IPO8: variants seen among roughly 807,000 people sequenced by gnomAD.
IPO8 encodes the protein importin 8, also known as importin-8.
Under a neutral mutation model 141.2 loss-of-function variants are expected in IPO8, and 65 were observed. That is an observed-to-expected ratio of 0.46 (90% confidence interval 0.38 to 0.57). The LOEUF is 0.57. IPO8 is among the 20% of genes least tolerant of loss of function. The probability of loss-of-function intolerance (pLI) is 0.00; values close to 1 mark genes in which losing one functional copy is unlikely to be tolerated. For missense variants in IPO8, 980 were observed against 1,246.8 expected, an observed-to-expected ratio of 0.79 and a Z score of 3.22; for synonymous variants, 411 against 420.3, an observed-to-expected ratio of 0.98 and a Z score of 0.27.
intron 17 of IPO8, among the ~76,000 whole-genome samples, chr12:30,653,908 T>C (rs1037672361): frequency 6.6e-6 from 1 of 152,004 alleles, no homozygotes; most frequent in African/African-American, 2.4e-5. Flanking sequence ...ATTACAAATA[T>C]TGATGAATAA....
chr12:30,643,176 A>G (rs1363514085), intron 20 of IPO8, among the ~76,000 whole-genome samples: 1 of 152,206 alleles, frequency 6.6e-6, no homozygotes, highest in Non-Finnish European at 1.5e-5. Flanking sequence ...ACCATCAGCA[A>G]CACTAACATC....
chr12:30,651,214 T>G (rs1311972705), intron 19 of IPO8, among the ~76,000 whole-genome samples: 1 of 152,104 alleles, frequency 6.6e-6, no homozygotes, highest in Non-Finnish European at 1.5e-5. Flanking sequence ...GCCCGGTGAT[T>G]ATGATTTAAC....
intron 10 of IPO8, among the ~76,000 whole-genome samples, chr12:30,666,908 C>A (rs1446658594): frequency 6.6e-6 from 1 of 152,158 alleles, no homozygotes; most frequent in African/African-American, 2.4e-5. Context: ...TAGGACCATG[C>A]CTGGCTCTGT....
intron 16 of IPO8, among the ~76,000 whole-genome samples, chr12:30,658,381 T>G (rs534596395): frequency 6.6e-6 from 1 of 152,232 alleles, no homozygotes; most frequent in East Asian, 1.9e-4. Context: ...TGGTTTTGCC[T>G]GTAATTATTC....
At chr12:30,667,524 AAAT>A (rs1320687447) in intron 10 of IPO8, among the ~76,000 whole-genome samples, 1 of 152,216 alleles carries the variant, frequency 6.6e-6, no homozygotes, top group Admixed American at 6.5e-5. Flanking sequence ...TGTTTCACGT[AAAT>A]AATTGCAAGT....
chr12:30,661,023 GC>G, intron 16 of IPO8, 117 bp downstream of exon 16: 1 of 595,116 alleles, frequency 1.7e-6, no homozygotes, highest in Non-Finnish European at 2.6e-6. Context: ...AATTTTTAAA[GC>G]CTAGCAACAT....
intron 21 of IPO8, among the ~76,000 whole-genome samples, chr12:30,638,459 T>C (rs1011112233): frequency 1.6e-4 from 25 of 152,320 alleles, no homozygotes; most frequent in African/African-American, 5.1e-4. Context: ...GTGGCAGCAG[T>C]GTCTTAACCA....
intron 2 of IPO8, among the ~76,000 whole-genome samples, chr12:30,689,125 A>C (rs1245206625): frequency 6.6e-6 from 1 of 152,074 alleles, no homozygotes; most frequent in Non-Finnish European, 1.5e-5. Flanking sequence ...TAGCATGTGT[A>C]ATATAAAAAA....
intron 10 of IPO8, among the ~76,000 whole-genome samples, chr12:30,668,268 T>C (rs987651354): frequency 1.3e-5 from 2 of 152,196 alleles, no homozygotes; most frequent in Non-Finnish European, 1.5e-5. Context: ...CCTCACTTAC[T>C]GAATCAAATA....
At position 30,674,733 on chromosome 12, in the gene IPO8, C is replaced by T. The variant is rs765386142; in HGVS notation, c.750G>A (p.Glu250=). 1.2e-6 allele frequency: 2 copies of T among 1,613,070 alleles called. No homozygotes were observed. Among genetic ancestry groups the T allele is most frequent in the Admixed American group, 3.3e-5 (2 of 60,018 alleles). ...TVPPETLHID[E]DDRPELVWWK... ...ACCATACCAGTTCTGGTCTATCATCCTCATCAATGTGCAGAGTCTCCTAAC... is the reference window on the plus strand; with the variant it reads ...ACCATACCAGTTCTGGTCTATCATCTTCATCAATGTGCAGAGTCTCCTAAC... The change falls in exon 7 of 25, where the codon GAG becomes GAA. Residue 250 remains glutamate, a synonymous_variant. Coordinates refer to ENST00000256079, the MANE Select transcript of IPO8 (RefSeq NM_006390.4).
rs1460676186 is a variant in IPO8 at position 30,681,719 on chromosome 12, T to C, written c.422A>G (p.Gln141Arg). 3 of 1,613,818 alleles carry C rather than the reference T, an allele frequency of 1.9e-6. No homozygotes were observed. The Admixed American group carries it at 5.0e-5, about 27-fold the overall frequency. The part of the protein sequence containing the change: ...VDKIDYYLQS[Q>R]SSASWLGSLL... ...ACTGCCAAGCCAGCTTGCACTGCTC[T>C]GTGATTGCAAGTAATAGTCTATCTT... is the stretch of plus-strand genomic sequence containing the variant. The change falls in exon 4 of 25, where the codon CAG becomes CGG. Residue 141 changes from glutamine (Q) to arginine (R), a missense_variant. Coordinates refer to ENST00000256079, the MANE Select transcript of IPO8 (RefSeq NM_006390.4).
intron 23 of IPO8, among the ~76,000 whole-genome samples, chr12:30,632,914 A>T (rs540954204): frequency 6.6e-6 from 1 of 152,294 alleles, no homozygotes; most frequent in East Asian, 1.9e-4. Flanking sequence ...CACAGTCTTT[A>T]AGCAGTGGCC....
rs1171732114 is a variant in IPO8 at position 30,629,695 on chromosome 12, C to T, written c.*1165G>A. The T allele has an allele frequency of 6.6e-6, 1 of 152,082 alleles. No homozygotes were observed. The highest frequency in any genetic ancestry group is 1.5e-5 in the Non-Finnish European group (1 of 68,028). The allele number at this position is 152,082 out of a possible 1,614,324, so 9.4% of individuals were successfully genotyped here. On this transcript the variant is annotated 3_prime_UTR_variant, in exon 25 of 25. Transcript: ENST00000256079. Reference sequence around the variant, plus strand: ...AGAAAAACACTGTAATCTCCATATGCAATATTTCCTATAGGCAACCTAAAA... The same window carrying T: ...AGAAAAACACTGTAATCTCCATATGTAATATTTCCTATAGGCAACCTAAAA...
In IPO8 at chr12:30,671,060, C is replaced by T. The variant is rs781320300; in HGVS notation, c.946G>A (p.Glu316Lys). ...LKILDQYRQKEYVAPRVLQQA... is the reference protein window; with the variant it reads ...LKILDQYRQKKYVAPRVLQQA... ...TGAAGAACACGGGGAGCTACATATTCTTTCTGTCTATATTGATCTAAAATT... is the reference window on the plus strand; with the variant it reads ...TGAAGAACACGGGGAGCTACATATTTTTTCTGTCTATATTGATCTAAAATT... The change falls in exon 9 of 25, where the codon GAA (glutamate) becomes AAA (lysine). Residue 316 changes from glutamate to lysine, a missense_variant. By Grantham distance (56) the Glu-to-Lys change is moderately conservative. This residue lies in a region of IPO8 where 924 missense variants were observed against 1,153.9 expected (regional missense o/e 0.80). Transcript: ENST00000256079. 1.2e-6 allele frequency: 2 copies of T among 1,606,788 alleles called. No individual in the cohort carries two copies. The highest frequency in any genetic ancestry group is 3.3e-5 in the Admixed American group (2 of 60,016).
intron 5 of IPO8, among the ~76,000 whole-genome samples, chr12:30,677,446 T>A (rs1318039460): frequency 1.3e-5 from 2 of 152,220 alleles, no homozygotes; most frequent in Non-Finnish European, 2.9e-5. Context: ...CTAGTTTATA[T>A]TTTTACTACA....
Position 30,662,424 on chromosome 12 carries a change from T to G in IPO8, c.1658A>C (p.Glu553Ala). ...IMQELLHIVR[E>A]TENDDVTNVI... ...ATTAGTAACATCATCATTTTCTGTC[T>G]CTCTAACAATGTGCAACAGTTCCTG... Residue 553 changes from glutamate (E) to alanine (A), a missense_variant, in exon 15 of 25, where the codon GAG becomes GCG. Glu to Ala is a moderately radical substitution (Grantham distance 107). This residue lies in a region of IPO8 where 924 missense variants were observed against 1,153.9 expected (regional missense o/e 0.80). Transcript: ENST00000256079. 1.2e-6 allele frequency: 2 copies of G among 1,613,134 alleles called. No homozygotes were observed.
chr12:30,680,677 C>T, intron 4 of IPO8, 39 bp from the exon 5 acceptor site: 1 of 1,519,008 alleles, frequency 6.6e-7, no homozygotes, highest in Non-Finnish European at 8.9e-7. Context: ...GTAATTTTTC[C>T]CACCCAAAGA....
At chr12:30,672,552 C>T (rs747427976) in intron 8 of IPO8, among the ~76,000 whole-genome samples, 1 of 151,982 alleles carries the variant, frequency 6.6e-6, no homozygotes, top group Non-Finnish European at 1.5e-5. Context: ...GTTTATAACA[C>T]GGATATAATG....
intron 21 of IPO8, among the ~76,000 whole-genome samples, chr12:30,638,075 A>T (rs1001487703): frequency 6.6e-6 from 1 of 152,162 alleles, no homozygotes; most frequent in Non-Finnish European, 1.5e-5. Context: ...CCCTAAATAC[A>T]TGCCACACGG....
Sources: gnomAD v4.1 joint callset for allele counts (sites outside exome capture counted in the v4.1 genomes callset) on GRCh38, gnomAD v4.1.1 for gene constraint, gnomAD v4.1.1 regional missense constraint, MANE v1.5 for transcripts, NCBI Gene and HGNC (gene_info 2026-07-23, HGNC 2026-07-21) for gene names.